The following GRID2 variants were observed in gnomAD, a reference collection of about 807,000 sequenced individuals.
GRID2 encodes glutamate ionotropic receptor delta type subunit 2, also known as glutamate receptor ionotropic, delta-2.
In GRID2, 33 loss-of-function variants were observed where a neutral mutation model predicts 114.8. That is an observed-to-expected ratio of 0.29 (90% confidence interval 0.22 to 0.38). GRID2 has a LOEUF of 0.38. GRID2 is among the 10% of genes least tolerant of loss of function. The probability of loss-of-function intolerance (pLI) is 1.00; values close to 1 mark genes in which losing one functional copy is unlikely to be tolerated. For synonymous variants in GRID2, 505 were observed against 449.9 expected (o/e 1.12, Z -1.55); for missense variants, 1,184 against 1,257.7 (o/e 0.94, Z 0.89).
At chr4:93,396,007 C>A (rs549488882) in intron 9 of GRID2, among the ~76,000 whole-genome samples, 1 of 152,002 alleles carries the variant, frequency 6.6e-6, no homozygotes, top group African/African-American at 2.4e-5. Context: ...GGCCTTCTTT[C>A]ATTAAAACTG....
At chr4:92,382,012 A>T (rs1729642265) in intron 1 of GRID2, among the ~76,000 whole-genome samples, 1 of 151,770 alleles carries the variant, frequency 6.6e-6, no homozygotes, top group African/African-American at 2.4e-5. Flanking sequence ...TTGAAAATGG[A>T]TTTCTGGCTC....
intron 8 of GRID2, among the ~76,000 whole-genome samples, chr4:93,261,710 T>A (rs1216134337): frequency 6.6e-6 from 1 of 151,860 alleles, no homozygotes; most frequent in Non-Finnish European, 1.5e-5. Flanking sequence ...TATGTATTCC[T>A]GTAGTGGAGG....
At chr4:92,387,799 T>A (rs1730042126) in intron 1 of GRID2, among the ~76,000 whole-genome samples, 1 of 152,022 alleles carries the variant, frequency 6.6e-6, no homozygotes, top group Admixed American at 6.6e-5. Flanking sequence ...TGTTTTAAAG[T>A]CTGTGGTAGA....
chr4:92,991,896 A>C (rs1408717220), intron 2 of GRID2, among the ~76,000 whole-genome samples: 2 of 152,232 alleles, frequency 1.3e-5, no homozygotes, highest in Non-Finnish European at 2.9e-5. Context: ...TACAGGATAC[A>C]TAGGAGTGAT....
chr4:92,403,413 C>A (rs1730878730), intron 1 of GRID2, among the ~76,000 whole-genome samples: 1 of 151,978 alleles, frequency 6.6e-6, no homozygotes, highest in Admixed American at 6.6e-5. Context: ...AAGTGAGAGA[C>A]ATGGCCAGGC....
intron 8 of GRID2, among the ~76,000 whole-genome samples, chr4:93,391,783 G>A (rs950218310): frequency 1.3e-5 from 2 of 152,122 alleles, no homozygotes; most frequent in East Asian, 3.9e-4. Flanking sequence ...TTGATCATTA[G>A]TACACATGTT....
chr4:93,524,787 A>G (rs11724998), intron 13 of GRID2, among the ~76,000 whole-genome samples: 1,494 of 77,428 alleles, frequency 0.019, 16 homozygotes, highest in African/African-American at 0.031. Context: ...ATGTATGTGT[A>G]TATATATATA....
chr4:92,755,268 TA>T (rs900235222), intron 2 of GRID2, among the ~76,000 whole-genome samples: 63 of 152,262 alleles, frequency 4.1e-4, no homozygotes, highest in African/African-American at 1.4e-3. Flanking sequence ...GTTATTCTTC[TA>T]AAAAAATAAC....
At chr4:92,818,738 G>A (rs1741073578) in intron 2 of GRID2, among the ~76,000 whole-genome samples, 2 of 151,992 alleles carry the variant, frequency 1.3e-5, no homozygotes, top group African/African-American at 4.8e-5. Flanking sequence ...TGTCTCTTCT[G>A]GGTGTGTGAG....
chr4:92,631,159 T>C (rs189707438), intron 2 of GRID2, among the ~76,000 whole-genome samples: 12 of 152,218 alleles, frequency 7.9e-5, no homozygotes, highest in South Asian at 2.1e-4. Context: ...GTCAACATAA[T>C]AAAAATCATG....
At chr4:93,334,965 G>A (rs1324865433) in intron 8 of GRID2, among the ~76,000 whole-genome samples, 1 of 151,976 alleles carries the variant, frequency 6.6e-6, no homozygotes, top group Non-Finnish European at 1.5e-5. Context: ...CTGGTCTTTA[G>A]CTGCTGTTTT....
At chr4:93,293,392 A>G (rs1753953469) in intron 8 of GRID2, among the ~76,000 whole-genome samples, 1 of 152,210 alleles carries the variant, frequency 6.6e-6, no homozygotes, top group Admixed American at 6.5e-5. Flanking sequence ...AAATTTAACG[A>G]AGTTAATTAT....
intron 13 of GRID2, among the ~76,000 whole-genome samples, chr4:93,524,823 GTATATATATATA>G (rs1300787035): frequency 6.7e-5 from 4 of 59,918 alleles, no homozygotes; most frequent in Non-Finnish European, 8.8e-5. Context: ...ATGTATGTAT[GTATATATATATA>G]TATATATATA....
intron 14 of GRID2, among the ~76,000 whole-genome samples, chr4:93,629,460 C>G (rs1743050248): frequency 6.6e-6 from 1 of 152,152 alleles, no homozygotes; most frequent in Non-Finnish European, 1.5e-5. Flanking sequence ...CCCAAAACCT[C>G]TCGCTAAATT....
At chr4:93,448,783 GCCCTCCCCTTCCCTT>G (rs1722336661) in intron 10 of GRID2, among the ~76,000 whole-genome samples, 1 of 131,190 alleles carries the variant, frequency 7.6e-6, no homozygotes, top group Admixed American at 8.2e-5. Context: ...AGTAGTCTTG[GCCCTCCCCTTCCCTT>G]CCCTTCCCTT....
chr4:93,769,289 T>C lies in GRID2; in HGVS notation c.2440T>C (p.Tyr814His), dbSNP rs866120838. 1 of 1,614,116 alleles carries C rather than the reference T, an allele frequency of 6.2e-7. No homozygotes were observed. The highest frequency in any genetic ancestry group is 1.7e-4 in the Middle Eastern group (1 of 6,060). Reference sequence around the variant, plus strand: ...GCCTAAGAATGGCCAGTGTGACCTGTACTCGTCAGTGGACACAAAGCAGAA... The same window carrying C: ...GCCTAAGAATGGCCAGTGTGACCTGCACTCGTCAGTGGACACAAAGCAGAA... ...WWPKNGQCDLYSSVDTKQKGG... is the reference protein window; with the variant it reads ...WWPKNGQCDLHSSVDTKQKGG... The change falls in exon 15 of 16, where the codon TAC (tyrosine) becomes CAC (histidine). Residue 814 changes from tyrosine to histidine, a missense_variant. Tyr to His is a moderately conservative substitution (Grantham distance 83). Coordinates refer to ENST00000282020, the MANE Select transcript of GRID2 (RefSeq NM_001510.4).
chr4:92,503,388 T>A (rs1723788582), intron 1 of GRID2, among the ~76,000 whole-genome samples: 1 of 152,122 alleles, frequency 6.6e-6, no homozygotes, highest in Non-Finnish European at 1.5e-5. Flanking sequence ...TTACCCCACC[T>A]CAAAGAGAGA....
chr4:92,576,901 T>C (rs550086479), intron 1 of GRID2, among the ~76,000 whole-genome samples: 1 of 152,270 alleles, frequency 6.6e-6, no homozygotes, highest in African/African-American at 2.4e-5. Context: ...CTTCTTTCTC[T>C]TTGGGCTATT....
At chr4:93,495,901 A>G (rs1268765637) in intron 12 of GRID2, among the ~76,000 whole-genome samples, 2 of 151,738 alleles carry the variant, frequency 1.3e-5, no homozygotes, top group Non-Finnish European at 2.9e-5. Flanking sequence ...GTGGCTTACT[A>G]TGTTTTAGCT....
Sources: gnomAD v4.1 joint callset for allele counts (sites outside exome capture counted in the v4.1 genomes callset) on GRCh38, gnomAD v4.1.1 for gene constraint, MANE v1.5 for transcripts, NCBI Gene and HGNC (gene_info 2026-07-23, HGNC 2026-07-21) for gene names.